The following PITPNB variants were observed in gnomAD, a reference collection of about 807,000 sequenced individuals.
The protein encoded by PITPNB is phosphatidylinositol transfer protein beta isoform.
In PITPNB, 16 loss-of-function variants were observed where a neutral mutation model predicts 45.9. That is an observed-to-expected ratio of 0.35 (90% CI 0.24 to 0.53). PITPNB has a LOEUF of 0.53. Among genes scored for constraint, PITPNB ranks in the 20% least tolerant of loss-of-function variants. The pLI is 0.93. For missense variants in PITPNB, 188 were observed against 330.5 expected (o/e 0.57, Z 3.34); for synonymous variants, 112 against 108.9 (o/e 1.03, Z -0.18).
intron 9 of PITPNB, among the ~76,000 whole-genome samples, chr22:27,859,381 G>A (rs1222641050): frequency 6.6e-6 from 1 of 152,154 alleles, no homozygotes; most frequent in Non-Finnish European, 1.5e-5. Flanking sequence ...GAAAAGTTAT[G>A]ATGAAACAGA....
chr22:27,870,310 C>T (rs572013188), intron 8 of PITPNB, among the ~76,000 whole-genome samples: 1 of 152,312 alleles, frequency 6.6e-6, no homozygotes, highest in East Asian at 1.9e-4. Context: ...TTCTTTACCC[C>T]TAGTCAGTCT....
chr22:27,885,558 G>A (rs1335996394), intron 7 of PITPNB, among the ~76,000 whole-genome samples: 1 of 152,132 alleles, frequency 6.6e-6, no homozygotes, highest in African/African-American at 2.4e-5. Context: ...TGCCCAGGCT[G>A]GAGTACAGTG....
intron 7 of PITPNB, among the ~76,000 whole-genome samples, chr22:27,891,097 T>A (rs1371517739): frequency 6.6e-6 from 1 of 152,146 alleles, no homozygotes; most frequent in African/African-American, 2.4e-5. Flanking sequence ...GAACGACTGT[T>A]CATGAGTACA....
intron 7 of PITPNB, among the ~76,000 whole-genome samples, chr22:27,884,955 G>A (rs181473712): frequency 6.6e-6 from 1 of 150,598 alleles, no homozygotes; most frequent in African/African-American, 2.4e-5. Flanking sequence ...GAGGAAGGCT[G>A]ATACAATCCT....
chr22:27,886,457 A>C (rs1935125362), intron 7 of PITPNB, among the ~76,000 whole-genome samples: 1 of 152,236 alleles, frequency 6.6e-6, no homozygotes, highest in Non-Finnish European at 1.5e-5. Context: ...TTGTTCCTAG[A>C]GTTATTGTGA....
rs1934062447 is a variant in PITPNB, at chr22:27,852,869, T to C, written c.*833A>G. The C allele has an allele frequency of 6.6e-6, 1 of 152,642 alleles. No individual in the cohort carries two copies. The highest frequency in any genetic ancestry group is 1.5e-5 in the Non-Finnish European group (1 of 68,034). The allele number at this position is 152,642 out of a possible 1,614,324, so 9.5% of individuals were successfully genotyped here. A position where few individuals can be genotyped will look rare whatever the true frequency, so the allele number is the denominator to read the frequency against. On this transcript the variant is annotated 3_prime_UTR_variant, in exon 12 of 12. Transcript: ENST00000335272. ...CCTGAAAACTGTCTAGTATTTATTA[T>C]AAATCAGAAACCGTCATCTCCATTT...
chr22:27,874,840 G>A (rs922634111), intron 7 of PITPNB, among the ~76,000 whole-genome samples: 22 of 152,168 alleles, frequency 1.4e-4, no homozygotes, highest in African/African-American at 5.3e-4. Flanking sequence ...CACAGAATTC[G>A]TGAAGAGACC....
intron 2 of PITPNB, among the ~76,000 whole-genome samples, chr22:27,912,983 C>CAAAA (rs35050003): frequency 1.1e-3 from 38 of 33,606 alleles, no homozygotes; most frequent in South Asian, 3.1e-3. Context: ...ACTCCATCTC[C>CAAAA]AAAAAAAAAA....
chr22:27,856,434 T>C (rs1934175889), intron 10 of PITPNB, among the ~76,000 whole-genome samples: 1 of 152,192 alleles, frequency 6.6e-6, no homozygotes, highest in South Asian at 2.1e-4. Flanking sequence ...CACAGCGTGT[T>C]GAGGCTGGGA....
Position 27,897,904 on chromosome 22 carries a change from G to GAGAT in PITPNB, c.198-16_198-13dup. 3.2e-6 allele frequency: 5 copies of GAGAT among 1,555,148 alleles called. No individual in the cohort carries two copies. Among genetic ancestry groups the GAGAT allele is most frequent in the Non-Finnish European group, 4.4e-6 (5 of 1,126,290 alleles). ...ATGCAGGCACTTTGCTGGGAGAAGA[G>GAGAT]AGATACTGGATATATTTAACAGCAC... On this transcript the variant is annotated splice_polypyrimidine_tract_variant and intron_variant, in intron 3 of 11. Transcript: ENST00000335272.
At chr22:27,889,681 T>C (rs1432681760) in intron 7 of PITPNB, among the ~76,000 whole-genome samples, 1 of 152,170 alleles carries the variant, frequency 6.6e-6, no homozygotes, top group East Asian at 1.9e-4. Context: ...ACTACTTCAT[T>C]GTACTGGGCT....
At chr22:27,856,995 T>C (rs1934192643) in intron 10 of PITPNB, among the ~76,000 whole-genome samples, 1 of 152,108 alleles carries the variant, frequency 6.6e-6, no homozygotes, top group African/African-American at 2.4e-5. Flanking sequence ...AGGTAGGAAG[T>C]GCCCATGATC....
At chr22:27,863,019 C>G (rs1291132147) in intron 8 of PITPNB, among the ~76,000 whole-genome samples, 1 of 152,214 alleles carries the variant, frequency 6.6e-6, no homozygotes, top group East Asian at 1.9e-4. Flanking sequence ...CAAAGTTGGT[C>G]TTTCACAGAT....
At position 27,852,201 on chromosome 22, in the gene PITPNB, C is replaced by A; in HGVS notation, c.*1501G>T. Reference sequence around the variant, plus strand: ...AAAACGAGGAGCAGGCAGGGCAGGACTGTCAGCAAATCAGATTACTAATGT... The same window carrying A: ...AAAACGAGGAGCAGGCAGGGCAGGAATGTCAGCAAATCAGATTACTAATGT... On this transcript the variant is annotated 3_prime_UTR_variant, in exon 12 of 12. Coordinates refer to ENST00000335272, the MANE Select transcript of PITPNB (RefSeq NM_012399.5). The A allele has an allele frequency of 6.6e-6, 1 of 152,254 alleles. No individual in the cohort carries two copies. The highest frequency in any genetic ancestry group is 1.5e-5 in the Non-Finnish European group (1 of 68,040). 9.4% of individuals were successfully genotyped at this position (152,254 alleles called of 1,614,324 possible).
At chr22:27,885,461 C>A (rs1447955872) in intron 7 of PITPNB, among the ~76,000 whole-genome samples, 1 of 152,052 alleles carries the variant, frequency 6.6e-6, no homozygotes, top group Non-Finnish European at 1.5e-5. Flanking sequence ...TTTGATCTAA[C>A]CAAAACACTT....
At chr22:27,867,479 C>T (rs961541622) in intron 8 of PITPNB, among the ~76,000 whole-genome samples, 11 of 152,028 alleles carry the variant, frequency 7.2e-5, no homozygotes, top group Admixed American at 4.6e-4. Flanking sequence ...CACAAAAAGG[C>T]GAAATAAGAT....
intron 9 of PITPNB, 85 bp from the exon 10 acceptor site, chr22:27,858,594 C>T: frequency 9.6e-7 from 1 of 1,037,870 alleles, no homozygotes. Flanking sequence ...TCCAATTAAC[C>T]CATGAAATTT....
chr22:27,885,007 CT>C (rs111588183), intron 7 of PITPNB, among the ~76,000 whole-genome samples: 6,513 of 145,088 alleles, frequency 0.045, 241 homozygotes, highest in African/African-American at 0.095. Flanking sequence ...GTTCCAATTT[CT>C]TTTTTTTTTT....
At chr22:27,873,907 A>C in intron 7 of PITPNB, 92 bp from the exon 8 acceptor site, 1 of 799,168 alleles carries the variant, frequency 1.3e-6, no homozygotes, top group Non-Finnish European at 2.2e-6. Flanking sequence ...ACCAAAACAC[A>C]GGACAGAAAT....
Sources: gnomAD v4.1 joint callset for allele counts (sites outside exome capture counted in the v4.1 genomes callset) on GRCh38, gnomAD v4.1.1 for gene constraint, MANE v1.5 for transcripts, NCBI Gene and HGNC (gene_info 2026-07-23, HGNC 2026-07-21) for gene names.